Variants in ZFAND4 observed in about 807,000 individuals in gnomAD.
The protein encoded by ZFAND4 is AN1-type zinc finger protein 4.
In ZFAND4, 43 loss-of-function variants were observed where a neutral mutation model predicts 64.4. The observed-to-expected ratio is 0.67, with a 90% CI of 0.52 to 0.86. The LOEUF (loss-of-function observed/expected upper bound fraction) is 0.86. Among genes scored for constraint, ZFAND4 ranks in the 40% least tolerant of loss-of-function variants. The pLI, the probability that ZFAND4 is intolerant of heterozygous loss-of-function variation, is 0.00. For synonymous variants in ZFAND4, 296 were observed against 305.7 expected (o/e 0.97, Z 0.33); for missense variants, 929 against 859.8 (o/e 1.08, Z -1.01).
At chr10:45,631,323 A>C (rs1296274951) in intron 6 of ZFAND4, among the ~76,000 whole-genome samples, 1 of 151,924 alleles carries the variant, frequency 6.6e-6, no homozygotes, top group Admixed American at 6.6e-5. Flanking sequence ...CCCCCCAAAA[A>C]AAAAAAATTC....
intron 9 of ZFAND4, among the ~76,000 whole-genome samples, chr10:45,617,604 A>AG (rs2045089712): frequency 6.0e-5 from 9 of 151,092 alleles, no homozygotes; most frequent in Admixed American, 5.9e-4. Context: ...AAAAAAAAAA[A>AG]AAAAAAAAAG....
At position 45,663,638 on chromosome 10, in the gene ZFAND4, G is replaced by A. The variant is rs147435712; in HGVS notation, c.88C>T (p.Leu30Phe). The change falls in exon 2 of 10, where the codon CTC (leucine) becomes TTC (phenylalanine). Residue 30 changes from leucine to phenylalanine, a missense_variant. By Grantham distance (22) the Leu-to-Phe change is conservative. Coordinates refer to ENST00000344646, the MANE Select transcript of ZFAND4 (RefSeq NM_174890.4). ...YRLHFCDTMELFIETLTGTCF... is the reference protein window; with the variant it reads ...YRLHFCDTMEFFIETLTGTCF... ...GTTCCAGTTAATGTTTCAATGAAGA[G>A]CTCCATGGTATCACAGAAATGAAGT... The A allele has an allele frequency of 6.7e-4, 1,078 of 1,611,450 alleles. No homozygotes were observed. Among genetic ancestry groups the A allele is most frequent in the Non-Finnish European group, 7.4e-4 (870 of 1,179,198 alleles).
At chr10:45,641,288 A>C (rs2046981616) in intron 5 of ZFAND4, among the ~76,000 whole-genome samples, 1 of 152,244 alleles carries the variant, frequency 6.6e-6, no homozygotes, top group Admixed American at 6.5e-5. Context: ...ACTTTAAATA[A>C]AGCAAAATAA....
At position 45,659,906 on chromosome 10, in the gene ZFAND4, G is replaced by A. The variant is rs543067632; in HGVS notation, c.184+3636C>T. On this transcript the variant is annotated intron_variant, in intron 2 of 9. Transcript: ENST00000344646. ...AAAAATGGCAACAGAGGCCGGGCGC[G>A]GTGGCTCACGCCTGGAATCCCAGCA... Among the ~76,000 whole-genome samples the A allele has an allele frequency of 1.7e-3, 265 of 152,248 alleles. 1 individual carries two copies. Among genetic ancestry groups the A allele is most frequent in the Middle Eastern group, 6.8e-3 (2 of 294 alleles).
Position 45,648,449 on chromosome 10 carries a change from T to A in ZFAND4, c.414A>T (p.Lys138Asn). ...VEVWEKTSCS[K>N]QVTFLVYQEG... Reference sequence around the variant, plus strand: ...CTTGGTATACCAAAAATGTAACTTGTTTGCTGCAGGAGGTCTTCTCCCAGA... The same window carrying A: ...CTTGGTATACCAAAAATGTAACTTGATTGCTGCAGGAGGTCTTCTCCCAGA... Residue 138 changes from lysine to asparagine, a missense_variant, in exon 5 of 10, where the codon AAA (lysine) becomes AAT (asparagine). Physicochemically the swap from Lys to Asn is moderately conservative, Grantham distance 94. Coordinates refer to ENST00000344646, the MANE Select transcript of ZFAND4 (RefSeq NM_174890.4). 6.2e-7 allele frequency: 1 copy of A among 1,613,930 alleles called. No homozygotes were observed. Among genetic ancestry groups the A allele is most frequent in the East Asian group, 2.2e-5 (1 of 44,854 alleles).
chr10:45,631,998 A>G (rs1186162661), intron 6 of ZFAND4, among the ~76,000 whole-genome samples: 3 of 152,258 alleles, frequency 2.0e-5, no homozygotes, highest in Admixed American at 2.0e-4. Flanking sequence ...TGAGGACTTC[A>G]GATGAGCTTC....
chr10:45,641,302 T>A (rs1303674180), intron 5 of ZFAND4, among the ~76,000 whole-genome samples: 4 of 152,206 alleles, frequency 2.6e-5, no homozygotes, highest in Non-Finnish European at 4.4e-5. Flanking sequence ...AAAATAAGAA[T>A]ACATATTAGT....
chr10:45,660,229 T>G (rs1175596404), intron 2 of ZFAND4, among the ~76,000 whole-genome samples: 1 of 151,372 alleles, frequency 6.6e-6, no homozygotes. Context: ...TATGCACTTG[T>G]AGTCCCAGCT....
chr10:45,625,289 G>C, intron 7 of ZFAND4, among the ~76,000 whole-genome samples: 1 of 150,702 alleles, frequency 6.6e-6, no homozygotes, highest in Admixed American at 6.7e-5. Flanking sequence ...TGGCTAACAC[G>C]GTGAAACCCC....
chr10:45,625,488 A>G, intron 7 of ZFAND4, among the ~76,000 whole-genome samples: 1 of 151,988 alleles, frequency 6.6e-6, no homozygotes, highest in South Asian at 2.1e-4. Flanking sequence ...AAAAAAAAAA[A>G]AAAAAAGGGA....
At chr10:45,621,615 A>G (rs1414651461) in intron 8 of ZFAND4, among the ~76,000 whole-genome samples, 1 of 151,712 alleles carries the variant, frequency 6.6e-6, no homozygotes, top group Non-Finnish European at 1.5e-5. Flanking sequence ...GGTGGCGGGC[A>G]CCTGTAGTCC....
Position 45,616,567 on chromosome 10 carries a change from C to T in ZFAND4, c.2053G>A (p.Gly685Arg), listed in dbSNP as rs771209433. The T allele has an allele frequency of 1.9e-6, 3 of 1,613,810 alleles. No individual in the cohort carries two copies. In the Admixed American group the frequency reaches 5.0e-5, roughly 27 times the overall value. Residue 685 changes from glycine to arginine, a missense_variant, in exon 10 of 10, where the codon GGA (glycine) becomes AGA (arginine). By Grantham distance (125) the Gly-to-Arg change is moderately radical. Coordinates refer to ENST00000344646, the MANE Select transcript of ZFAND4 (RefSeq NM_174890.4). ...CGATGAGATGCACAGAAGTTGTTTC[C>T]ACATCTAAAGCACAAAAAAAGTTTA... ...GLASSYECRC[G>R]NNFCASHRYA...
chr10:45,650,188 CCT>C (rs2047669069), intron 4 of ZFAND4: 1 of 151,930 alleles, frequency 6.6e-6, no homozygotes, highest in Admixed American at 6.6e-5. Flanking sequence ...CTCACTGTAA[CCT>C]CTGTCACCCA....
chr10:45,655,171 A>G (rs374270506), intron 2 of ZFAND4, among the ~76,000 whole-genome samples: 1 of 152,236 alleles, frequency 6.6e-6, no homozygotes, highest in East Asian at 1.9e-4. Context: ...ACCACAGTGG[A>G]ATAAAATTAG....
In ZFAND4 at chr10:45,651,165, C is replaced by T. The variant is rs78163607; in HGVS notation, c.328+801G>A. On this transcript the variant is annotated intron_variant, in intron 4 of 9. Transcript: ENST00000344646. Reference sequence around the variant, plus strand: ...AAAATGAGGTCCACAGAAGAGGATGCTCTGACTAGTCTCCTCCACTTCATG... The same window carrying T: ...AAAATGAGGTCCACAGAAGAGGATGTTCTGACTAGTCTCCTCCACTTCATG... 6.5e-3 allele frequency: 1,011 copies of T among 156,438 alleles called. 14 individuals are homozygous for T. The highest frequency in any genetic ancestry group is 0.023 in the African/African-American group (966 of 41,572). The allele number at this position is 156,438 out of a possible 1,614,324, so 9.7% of individuals were successfully genotyped here.
intron 1 of ZFAND4, among the ~76,000 whole-genome samples, chr10:45,671,449 G>C (rs1480314783): frequency 1.3e-5 from 2 of 152,216 alleles, no homozygotes; most frequent in African/African-American, 4.8e-5. Flanking sequence ...ATCAGTGATA[G>C]AGTGGATTAA....
At chr10:45,630,622 G>A (rs1460659976) in intron 6 of ZFAND4, among the ~76,000 whole-genome samples, 1 of 152,064 alleles carries the variant, frequency 6.6e-6, no homozygotes, top group Non-Finnish European at 1.5e-5. Context: ...CAGCTCAGGA[G>A]GCTGAGGCAG....
At chr10:45,663,144 A>G (rs1254772957) in intron 2 of ZFAND4, among the ~76,000 whole-genome samples, 4 of 152,020 alleles carry the variant, frequency 2.6e-5, no homozygotes, top group Non-Finnish European at 4.4e-5. Context: ...GGTGGTTGCA[A>G]AGCAGTGTAA....
intron 6 of ZFAND4, among the ~76,000 whole-genome samples, chr10:45,628,975 A>G (rs920178023): frequency 7.2e-5 from 11 of 151,894 alleles, no homozygotes; most frequent in Non-Finnish European, 1.6e-4. Context: ...AGAAAAATCC[A>G]CAAAAGACAA....
Sources: gnomAD v4.1 joint callset for allele counts (sites outside exome capture counted in the v4.1 genomes callset) on GRCh38, gnomAD v4.1.1 for gene constraint, MANE v1.5 for transcripts, NCBI Gene and HGNC (gene_info 2026-07-23, HGNC 2026-07-21) for gene names.